The following MRPS35 variants were observed in gnomAD, a reference collection of about 807,000 sequenced individuals.
MRPS35 encodes the protein small ribosomal subunit protein mS35.
MRPS35 carries 29 observed loss-of-function variants against 32.7 expected under a neutral mutation model. The observed-to-expected ratio is 0.89, with a 90% CI of 0.66 to 1.21. The LOEUF (loss-of-function observed/expected upper bound fraction) is 1.21, where lower values mean the gene tolerates loss of function less well. Among genes scored for constraint, MRPS35 ranks in the 50% most tolerant of loss-of-function variants. The pLI is 0.00. For synonymous variants in MRPS35, 148 were observed against 139.3 expected, an observed-to-expected ratio of 1.06 and a Z score of -0.44; for missense variants, 373 against 383.8, an observed-to-expected ratio of 0.97 and a Z score of 0.23.
At chr12:27,743,709 C>T (rs2061972228) in intron 7 of MRPS35, among the ~76,000 whole-genome samples, 1 of 152,116 alleles carries the variant, frequency 6.6e-6, no homozygotes, top group South Asian at 2.1e-4. Flanking sequence ...TTAGTTTGAG[C>T]TATCATAACA....
intron 3 of MRPS35, among the ~76,000 whole-genome samples, chr12:27,718,620 A>G (rs1161941658): frequency 1.3e-5 from 2 of 152,222 alleles, no homozygotes; most frequent in South Asian, 2.1e-4. Flanking sequence ...CATTCACACT[A>G]TGAATGATTC....
Position 27,737,528 on chromosome 12 carries a change from C to G in MRPS35, c.633-11C>G. The G allele has an allele frequency of 6.2e-7, 1 of 1,610,472 alleles. No individual in the cohort carries two copies. The highest frequency in any genetic ancestry group is 8.5e-7 in the Non-Finnish European group (1 of 1,177,514). On this transcript the variant is annotated splice_polypyrimidine_tract_variant and intron_variant, in intron 6 of 7. Transcript: ENST00000081029. Reference sequence around the variant, plus strand: ...TTAGAATTTTGACTTCTCCCGCTTTCTCTTTAATAGGTGCCCTTTAAGGAG... The same window carrying G: ...TTAGAATTTTGACTTCTCCCGCTTTGTCTTTAATAGGTGCCCTTTAAGGAG...
At chr12:27,727,763 T>C (rs2061906189) in intron 5 of MRPS35, among the ~76,000 whole-genome samples, 1 of 152,180 alleles carries the variant, frequency 6.6e-6, no homozygotes, top group Admixed American at 6.5e-5. Flanking sequence ...TATGACCTAT[T>C]GTTTGTTAAT....
At chr12:27,742,632 A>G (rs1463365385) in intron 7 of MRPS35, among the ~76,000 whole-genome samples, 1 of 152,222 alleles carries the variant, frequency 6.6e-6, no homozygotes, top group East Asian at 1.9e-4. Flanking sequence ...GCCAGGGTAT[A>G]GAACTAACAG....
chr12:27,733,621 T>G (rs1226431528), intron 5 of MRPS35, among the ~76,000 whole-genome samples: 2 of 152,214 alleles, frequency 1.3e-5, no homozygotes, highest in African/African-American at 2.4e-5. Context: ...TGTGTATTCA[T>G]AATCATAATA....
intron 3 of MRPS35, among the ~76,000 whole-genome samples, chr12:27,716,753 C>T (rs936229845): frequency 4.6e-5 from 7 of 152,110 alleles, no homozygotes; most frequent in East Asian, 1.9e-4. Context: ...TTTGGGAGGC[C>T]GAGGTGGGCA....
intron 3 of MRPS35, among the ~76,000 whole-genome samples, 173 bp from the exon 4 acceptor site, chr12:27,719,635 C>T (rs921968929): frequency 1.7e-4 from 25 of 149,232 alleles, no homozygotes; most frequent in Middle Eastern, 3.4e-3. Context: ...CACTGCAGTC[C>T]GCAGTCCGGC....
At chr12:27,735,721 C>T (rs1048385652) in intron 6 of MRPS35, among the ~76,000 whole-genome samples, 165 bp downstream of exon 6, 1 of 152,172 alleles carries the variant, frequency 6.6e-6, no homozygotes, top group Non-Finnish European at 1.5e-5. Flanking sequence ...CTCACACTGG[C>T]CTACTATTGC....
intron 7 of MRPS35, among the ~76,000 whole-genome samples, chr12:27,747,610 C>T (rs921357691): frequency 2.0e-5 from 3 of 152,138 alleles, no homozygotes; most frequent in East Asian, 1.9e-4. Context: ...TTCTCTCATA[C>T]AGCACAAGGC....
At chr12:27,753,266 G>C (rs1044591240) in intron 7 of MRPS35, among the ~76,000 whole-genome samples, 1 of 152,108 alleles carries the variant, frequency 6.6e-6, no homozygotes. Flanking sequence ...TTGAAGGAAT[G>C]GTACCCAGTT....
At chr12:27,732,232 T>C (rs2140768987) in intron 5 of MRPS35, among the ~76,000 whole-genome samples, 1 of 152,356 alleles carries the variant, frequency 6.6e-6, no homozygotes, top group Non-Finnish European at 1.5e-5. Context: ...ACCTCAAGTT[T>C]TGTGGGCCTC....
At chr12:27,719,433 G>A (rs996526729) in intron 3 of MRPS35, among the ~76,000 whole-genome samples, 1 of 152,110 alleles carries the variant, frequency 6.6e-6, no homozygotes, top group Non-Finnish European at 1.5e-5. Flanking sequence ...TTGGGAGGCC[G>A]AGGCGGGTGG....
chr12:27,735,321 A>G (rs1399941708), intron 5 of MRPS35, 126 bp from the exon 6 acceptor site: 1 of 655,476 alleles, frequency 1.5e-6, no homozygotes, highest in Non-Finnish European at 2.6e-6. Context: ...CTTGCTCTGT[A>G]TAGAAAGGAG....
chr12:27,755,160 TTTTG>T lies in MRPS35; in HGVS notation c.703-17_703-14del. ...TTCTCAGAATTCAGAACTCATTTTTTTTTGTTTTGTTTTGTTTCAGAATACTGAA... is the reference window on the plus strand; with the variant it reads ...TTCTCAGAATTCAGAACTCATTTTTTTTTTGTTTTGTTTCAGAATACTGAA... On this transcript the variant is annotated splice_polypyrimidine_tract_variant and intron_variant, in intron 7 of 7. Coordinates refer to ENST00000081029, the MANE Select transcript of MRPS35 (RefSeq NM_021821.4). 6.8e-7 allele frequency: 1 copy of T among 1,480,726 alleles called. No individual in the cohort carries two copies. Among genetic ancestry groups the T allele is most frequent in the Admixed American group, 2.6e-5 (1 of 38,608 alleles). 91.7% of individuals were successfully genotyped at this position (1,480,726 alleles called of 1,614,324 possible). A position where few individuals can be genotyped will look rare whatever the true frequency, so the allele number is the denominator to read the frequency against.
intron 5 of MRPS35, among the ~76,000 whole-genome samples, chr12:27,735,231 C>G (rs2061938429): frequency 6.6e-6 from 1 of 152,160 alleles, no homozygotes; most frequent in Non-Finnish European, 1.5e-5. Context: ...CCAGAACTTT[C>G]AAAGAACTTC....
chr12:27,738,447 T>G lies in MRPS35; in HGVS notation c.702+839T>G, dbSNP rs563762853. Among the ~76,000 whole-genome samples the G allele has an allele frequency of 3.5e-4, 54 of 152,276 alleles. 1 individual carries two copies. Among genetic ancestry groups the G allele is most frequent in the African/African-American group, 1.2e-3 (50 of 41,556 alleles). On this transcript the variant is annotated intron_variant, in intron 7 of 7. Coordinates refer to ENST00000081029, the MANE Select transcript of MRPS35 (RefSeq NM_021821.4). ...ATGCTAAACCTGTATTTAAATAATA[T>G]TAAAAATACTCGAGTCTGAATTTAG... is the stretch of plus-strand genomic sequence containing the variant.
At chr12:27,723,572 T>C (rs1478351549) in intron 4 of MRPS35, among the ~76,000 whole-genome samples, 7 of 152,234 alleles carry the variant, frequency 4.6e-5, no homozygotes, top group Admixed American at 2.6e-4. Flanking sequence ...TAGACGACTG[T>C]TGACTCCATC....
At chr12:27,736,051 A>AT (rs1007627539) in intron 6 of MRPS35, among the ~76,000 whole-genome samples, 4 of 152,198 alleles carry the variant, frequency 2.6e-5, no homozygotes, top group African/African-American at 9.6e-5. Flanking sequence ...AAATTGCGTC[A>AT]TTTTTTATTT....
At chr12:27,735,746 A>G (rs2061941024) in intron 6 of MRPS35, among the ~76,000 whole-genome samples, 190 bp downstream of exon 6, 1 of 152,232 alleles carries the variant, frequency 6.6e-6, no homozygotes, top group Admixed American at 6.5e-5. Context: ...ATCTTTATGC[A>G]GCGGCATGCT....
Sources: allele counts gnomAD v4.1 joint callset (sites outside exome capture counted in the v4.1 genomes callset), GRCh38; gene constraint gnomAD v4.1.1; transcripts MANE v1.5; gene names NCBI Gene and HGNC (gene_info 2026-07-23, HGNC 2026-07-21).